The following PEAK1 variants were observed in gnomAD, a reference collection of about 807,000 sequenced individuals.
PEAK1 encodes the protein pseudopodium enriched atypical kinase 1, also known as inactive tyrosine-protein kinase PEAK1.
In PEAK1, 54 loss-of-function variants were observed where a neutral mutation model predicts 124.7. The observed-to-expected ratio is 0.43, with a 90% CI of 0.35 to 0.54. The LOEUF (loss-of-function observed/expected upper bound fraction) is 0.54, where lower values mean the gene tolerates loss of function less well. Among genes scored for constraint, PEAK1 ranks in the 20% least tolerant of loss-of-function variants. The probability of loss-of-function intolerance (pLI) is 0.01; values close to 1 mark genes in which losing one functional copy is unlikely to be tolerated. For missense variants in PEAK1, 2,046 were observed against 2,134.5 expected, an observed-to-expected ratio of 0.96 and a Z score of 0.82; for synonymous variants, 719 against 760.0, an observed-to-expected ratio of 0.95 and a Z score of 0.89.
At chr15:77,143,040 G>A (rs556169828) in intron 8 of PEAK1, among the ~76,000 whole-genome samples, 28 of 152,242 alleles carry the variant, frequency 1.8e-4, no homozygotes, top group African/African-American at 6.0e-4. Context: ...CATCAATTCA[G>A]TTTCCAGTCT....
chr15:77,268,246 G>A (rs1034920032), intron 5 of PEAK1, among the ~76,000 whole-genome samples: 3 of 152,140 alleles, frequency 2.0e-5, no homozygotes, highest in Admixed American at 6.5e-5. Context: ...AGGCCGAGGT[G>A]GGCAGATCAC....
At chr15:77,137,465 C>G (rs1042625746) in intron 8 of PEAK1, among the ~76,000 whole-genome samples, 21 of 152,222 alleles carry the variant, frequency 1.4e-4, no homozygotes, top group African/African-American at 4.8e-4. Flanking sequence ...CCATGGGAAC[C>G]CATGTCTTGC....
chr15:77,128,938 G>A (rs1375175915), intron 9 of PEAK1, among the ~76,000 whole-genome samples: 1 of 152,220 alleles, frequency 6.6e-6, no homozygotes, highest in Non-Finnish European at 1.5e-5. Context: ...GAGGCAGGAT[G>A]GGTTAGAGGT....
At chr15:77,164,900 T>G (rs554385357) in intron 7 of PEAK1, among the ~76,000 whole-genome samples, 84 of 151,708 alleles carry the variant, frequency 5.5e-4, no homozygotes, top group African/African-American at 1.9e-3. Context: ...GAACAGGCTT[T>G]CTTTCTTTTT....
chr15:77,213,643 C>T (rs903203607), intron 6 of PEAK1, among the ~76,000 whole-genome samples: 1 of 151,976 alleles, frequency 6.6e-6, no homozygotes, highest in East Asian at 1.9e-4. Flanking sequence ...GAGCCGAGAT[C>T]GCATCACTGC....
chr15:77,102,694 T>C (rs2050706195), exon 7 of PEAK1: 1 of 152,364 alleles, frequency 6.6e-6, no homozygotes, highest in South Asian at 2.1e-4. Context: ...TATACTAGTT[T>C]CATACTGATA....
intron 2 of PEAK1, chr15:77,346,793 A>C (rs569864314): frequency 1.1e-6 from 1 of 927,118 alleles, no homozygotes; most frequent in Non-Finnish European, 1.3e-6. Context: ...TATTTACTGA[A>C]ATGCCTATTA....
chr15:77,211,848 C>CAAAAA (rs34360713), intron 6 of PEAK1, among the ~76,000 whole-genome samples: 4 of 49,740 alleles, frequency 8.0e-5, no homozygotes, highest in East Asian at 6.7e-4. Context: ...AACTCCATCT[C>CAAAAA]AAAAAAAAAA....
chr15:77,197,221 C>T (rs559715843), intron 6 of PEAK1, among the ~76,000 whole-genome samples: 37 of 152,048 alleles, frequency 2.4e-4, no homozygotes, highest in Non-Finnish European at 4.1e-4. Context: ...ATAGATATTG[C>T]TTAAAATGAG....
Position 77,152,598 on chromosome 15 carries a change from T to C in PEAK1, c.3331+5905A>G, listed in dbSNP as rs1218453576. On this transcript the variant is annotated intron_variant, in intron 8 of 9. Transcript: ENST00000682557. ...CAAAGGGAATGCTTCCAGTTTTTGC[T>C]CATTCAGTATGATATTGGCTGTGGG... Among the ~76,000 whole-genome samples, 6 of 152,246 alleles carry C rather than the reference T, an allele frequency of 3.9e-5. No individual in the cohort carries two copies. In the East Asian group the frequency reaches 5.8e-4, roughly 15 times the overall value.
At chr15:77,395,384 A>C (rs1052540517) in intron 1 of PEAK1, among the ~76,000 whole-genome samples, 2 of 152,194 alleles carry the variant, frequency 1.3e-5, no homozygotes, top group Non-Finnish European at 2.9e-5. Flanking sequence ...CAGGGATAGA[A>C]AGTTTATTCA....
intron 6 of PEAK1, among the ~76,000 whole-genome samples, chr15:77,220,955 A>C (rs999981129): frequency 6.6e-6 from 1 of 152,156 alleles, no homozygotes; most frequent in Non-Finnish European, 1.5e-5. Flanking sequence ...CAATGTATAT[A>C]AACTTAATAA....
intron 2 of PEAK1, chr15:77,347,754 GT>G (rs1210099869): frequency 1.5e-5 from 15 of 978,066 alleles, no homozygotes; most frequent in Non-Finnish European, 1.8e-5. Flanking sequence ...TAAATTAGGA[GT>G]TTTTTAAAAG....
At chr15:77,127,051 A>T (rs1438101589) in intron 9 of PEAK1, among the ~76,000 whole-genome samples, 1 of 152,224 alleles carries the variant, frequency 6.6e-6, no homozygotes, top group African/African-American at 2.4e-5. Context: ...ATTAATTAAA[A>T]GAGATCATAA....
intron 1 of PEAK1, among the ~76,000 whole-genome samples, chr15:77,416,850 T>G (rs1426439055): frequency 2.0e-5 from 3 of 152,262 alleles, no homozygotes; most frequent in Admixed American, 6.5e-5. Flanking sequence ...ACTGAATGCA[T>G]GTTGAAATGA....
chr15:77,134,594 G>A (rs1222530345), intron 8 of PEAK1, among the ~76,000 whole-genome samples: 1 of 152,174 alleles, frequency 6.6e-6, no homozygotes, highest in Non-Finnish European at 1.5e-5. Flanking sequence ...ATTAGAAAAA[G>A]ATAAAACACA....
At chr15:77,366,610 C>G (rs1409377926) in intron 1 of PEAK1, among the ~76,000 whole-genome samples, 1 of 152,088 alleles carries the variant, frequency 6.6e-6, no homozygotes, top group Admixed American at 6.6e-5. Flanking sequence ...GGCTGGAGTA[C>G]AGTGGCGTGA....
intron 7 of PEAK1, among the ~76,000 whole-genome samples, chr15:77,163,274 C>G (rs1250772406): frequency 6.6e-6 from 1 of 152,188 alleles, no homozygotes; most frequent in South Asian, 2.1e-4. Flanking sequence ...CTTAAAAAAC[C>G]ATGTCATAAT....
chr15:77,313,432 T>G (rs766214158), intron 2 of PEAK1, among the ~76,000 whole-genome samples: 3 of 152,044 alleles, frequency 2.0e-5, no homozygotes, highest in Non-Finnish European at 4.4e-5. Flanking sequence ...CAACCTAACA[T>G]AGGCTGTGCA....
Sources: allele counts gnomAD v4.1 joint callset (sites outside exome capture counted in the v4.1 genomes callset), GRCh38; gene constraint gnomAD v4.1.1; transcripts MANE v1.5; gene names NCBI Gene and HGNC (gene_info 2026-07-23, HGNC 2026-07-21).